Variants in ATG5 observed in about 807,000 individuals in gnomAD.
ATG5 encodes autophagy related 5.
ATG5 carries 14 observed loss-of-function variants against 36.5 expected under a neutral mutation model. The observed-to-expected ratio is 0.38, with a 90% CI of 0.25 to 0.60. ATG5 has a LOEUF of 0.60. ATG5 is among the 20% of genes least tolerant of loss of function. ATG5 has a pLI of 0.60. For synonymous variants in ATG5, 95 were observed against 101.5 expected (o/e 0.94, Z 0.38); for missense variants, 195 against 326.7 (o/e 0.60, Z 3.11).
chr6:106,207,649 A>G (rs1275891037), intron 6 of ATG5, among the ~76,000 whole-genome samples: 1 of 152,250 alleles, frequency 6.6e-6, no homozygotes, highest in Admixed American at 6.5e-5. Context: ...TGATAAAACA[A>G]GAAATGATGA....
At chr6:106,289,652 T>G (rs1780223383) in intron 4 of ATG5, among the ~76,000 whole-genome samples, 1 of 145,762 alleles carries the variant, frequency 6.9e-6, no homozygotes, top group African/African-American at 2.5e-5. Context: ...ACACTAGAAA[T>G]TAGAGCTGAA....
intron 3 of ATG5, among the ~76,000 whole-genome samples, chr6:106,295,304 C>A (rs1441004766): frequency 7.2e-5 from 11 of 152,126 alleles, no homozygotes; most frequent in Admixed American, 7.2e-4. Flanking sequence ...ACTTGGATTT[C>A]ATTAAAAAGA....
intron 5 of ATG5, among the ~76,000 whole-genome samples, chr6:106,261,059 G>A (rs957354582): frequency 1.3e-5 from 2 of 152,176 alleles, no homozygotes; most frequent in African/African-American, 4.8e-5. Flanking sequence ...ACCCTAGAAA[G>A]GTAATAAAGG....
In ATG5 at chr6:106,186,682, C is replaced by A. The variant is rs1274493941; in HGVS notation, c.692-6G>T. The A allele has an allele frequency of 4.3e-6, 7 of 1,612,654 alleles. No individual in the cohort carries two copies. The highest frequency in any genetic ancestry group is 5.9e-6 in the Non-Finnish European group (7 of 1,179,644). ...TTGATTCTTTTTTTCCCCATCTATT[C>A]CAAGAAAGAAACCCAACAACAATAA... On this transcript the variant is annotated splice_region_variant and splice_polypyrimidine_tract_variant and intron_variant, in intron 7 of 7. Transcript: ENST00000369076.
intron 5 of ATG5, among the ~76,000 whole-genome samples, chr6:106,268,041 G>C (rs1189272590): frequency 6.6e-6 from 1 of 151,940 alleles, no homozygotes; most frequent in Admixed American, 6.6e-5. Context: ...ACTATCATCA[G>C]AGTGACTAAA....
At chr6:106,214,763 T>C (rs1776977910) in intron 6 of ATG5, among the ~76,000 whole-genome samples, 1 of 152,198 alleles carries the variant, frequency 6.6e-6, no homozygotes, top group East Asian at 1.9e-4. Context: ...AGAGAAGTAA[T>C]ACTTCCCTTT....
intron 4 of ATG5, among the ~76,000 whole-genome samples, chr6:106,280,350 T>C (rs1779832613): frequency 6.6e-6 from 1 of 151,098 alleles, no homozygotes; most frequent in South Asian, 2.1e-4. Context: ...TACATGAATG[T>C]TCACAATAGT....
chr6:106,301,003 T>G (rs1410500365), intron 3 of ATG5, among the ~76,000 whole-genome samples: 1 of 152,120 alleles, frequency 6.6e-6, no homozygotes, highest in East Asian at 1.9e-4. Flanking sequence ...AATTAGGGTT[T>G]ACTTACAAAG....
intron 6 of ATG5, among the ~76,000 whole-genome samples, chr6:106,247,755 C>T (rs1778401662): frequency 6.6e-6 from 1 of 152,164 alleles, no homozygotes; most frequent in Admixed American, 6.5e-5. Context: ...TACACTGTGA[C>T]AAGAAGGCTT....
chr6:106,203,012 AAGAG>A (rs1776496200), intron 6 of ATG5, among the ~76,000 whole-genome samples: 2 of 152,224 alleles, frequency 1.3e-5, no homozygotes, highest in African/African-American at 2.4e-5. Context: ...GAGAGAGAGA[AAGAG>A]AGAGACAGAG....
At chr6:106,299,756 A>C (rs1770130503) in intron 3 of ATG5, among the ~76,000 whole-genome samples, 1 of 152,254 alleles carries the variant, frequency 6.6e-6, no homozygotes, top group Non-Finnish European at 1.5e-5. Context: ...ATTCTAGTAT[A>C]AATATCTGTA....
At chr6:106,221,584 G>A (rs2853338) in intron 6 of ATG5, among the ~76,000 whole-genome samples, 12,922 of 151,580 alleles carry the variant, frequency 0.085, 574 homozygotes, top group South Asian at 0.13. Context: ...TACTAGAGAG[G>A]CTGAGGGAGG....
chr6:106,282,793 GATTTTTTT>G (rs1480276879), intron 4 of ATG5, among the ~76,000 whole-genome samples: 3 of 151,926 alleles, frequency 2.0e-5, no homozygotes, highest in Non-Finnish European at 2.9e-5. Flanking sequence ...CATGGATTGA[GATTTTTTT>G]ATTTTGAGAG....
intron 5 of ATG5, among the ~76,000 whole-genome samples, chr6:106,272,436 G>A (rs1027363046): frequency 2.6e-5 from 4 of 152,122 alleles, no homozygotes; most frequent in African/African-American, 7.2e-5. Flanking sequence ...TACCACTCTC[G>A]ATCTTGATCA....
At chr6:106,249,085 T>C (rs896149418) in intron 5 of ATG5, among the ~76,000 whole-genome samples, 6 of 152,218 alleles carry the variant, frequency 3.9e-5, no homozygotes, top group African/African-American at 1.4e-4. Flanking sequence ...TTAAGCTCTT[T>C]TTAAAAACTT....
At chr6:106,227,812 C>T (rs901543735) in intron 6 of ATG5, among the ~76,000 whole-genome samples, 5 of 152,152 alleles carry the variant, frequency 3.3e-5, no homozygotes, top group Non-Finnish European at 7.3e-5. Context: ...TGAGCACAAA[C>T]TGATGACTGA....
At chr6:106,315,196 G>A (rs1444303142) in intron 2 of ATG5, among the ~76,000 whole-genome samples, 1 of 152,226 alleles carries the variant, frequency 6.6e-6, no homozygotes, top group Non-Finnish European at 1.5e-5. Context: ...CTGCCTCTCA[G>A]AGAGATGAGG....
intron 4 of ATG5, among the ~76,000 whole-genome samples, chr6:106,290,255 TTTTA>T (rs1209805778): frequency 2.3e-4 from 34 of 147,084 alleles, no homozygotes; most frequent in East Asian, 3.9e-4. Context: ...TTTTATTTTA[TTTTA>T]TTTATTTTAT....
In ATG5 at chr6:106,295,063, T is replaced by TAC. The variant is rs201452945; in HGVS notation, c.237-1959_237-1958dup. Among the ~76,000 whole-genome samples the TAC allele has an allele frequency of 8.8e-3, 1,328 of 150,630 alleles. 31 individuals are homozygous for TAC. Among genetic ancestry groups the TAC allele is most frequent in the Admixed American group, 0.046 (696 of 15,110 alleles). On this transcript the variant is annotated intron_variant, in intron 3 of 7. Transcript: ENST00000369076. ...ACCTAAAATTAAAAAAAAATATACA[T>TAC]ACACACACACACACATATACACACA...
Sources: allele counts gnomAD v4.1 joint callset (sites outside exome capture counted in the v4.1 genomes callset), GRCh38; gene constraint gnomAD v4.1.1; transcripts MANE v1.5; gene names NCBI Gene and HGNC (gene_info 2026-07-23, HGNC 2026-07-21).